The following SOX5 variants were observed in gnomAD, a reference collection of about 807,000 sequenced individuals.
The protein encoded by SOX5 is SRY-box transcription factor 5, also known as transcription factor SOX-5.
SOX5 carries 9 observed loss-of-function variants against 92.0 expected under a neutral mutation model. The observed-to-expected ratio is 0.10, with a 90% CI of 0.06 to 0.17. The LOEUF (loss-of-function observed/expected upper bound fraction) is 0.17. Ranked by LOEUF, SOX5 falls within the 10% of genes least tolerant of loss-of-function variation. The pLI is 1.00. For missense variants in SOX5, 642 were observed against 944.5 expected (o/e 0.68, Z 4.20); for synonymous variants, 344 against 336.3 (o/e 1.02, Z -0.25).
intron 4 of SOX5, among the ~76,000 whole-genome samples, chr12:24,057,368 G>GATTTAT (rs1487164646): frequency 2.9e-4 from 44 of 152,036 alleles, no homozygotes; most frequent in African/African-American, 1.0e-3. Flanking sequence ...CATTGTTTTG[G>GATTTAT]ATTTATATTT....
At chr12:24,377,364 A>G (rs1477751011) in intron 1 of SOX5, among the ~76,000 whole-genome samples, 1 of 152,208 alleles carries the variant, frequency 6.6e-6, no homozygotes, top group Admixed American at 6.5e-5. Context: ...ATCCAAAACA[A>G]TTCAATTAAA....
At chr12:23,589,051 T>C (rs1951151257) in intron 9 of SOX5, among the ~76,000 whole-genome samples, 1 of 152,006 alleles carries the variant, frequency 6.6e-6, no homozygotes, top group African/African-American at 2.4e-5. Flanking sequence ...TATGCAACAA[T>C]GAAATCACCA....
chr12:24,075,569 A>C (rs1942466318), intron 4 of SOX5, among the ~76,000 whole-genome samples: 1 of 152,198 alleles, frequency 6.6e-6, no homozygotes, highest in African/African-American at 2.4e-5. Context: ...AAGCTGCCCA[A>C]AAGTTTTTCT....
At chr12:24,285,920 T>C (rs1228349067) in intron 2 of SOX5, among the ~76,000 whole-genome samples, 3 of 152,288 alleles carry the variant, frequency 2.0e-5, no homozygotes, top group Admixed American at 2.0e-4. Flanking sequence ...CCCAAAACAC[T>C]TGAATAATTA....
At position 23,640,804 on chromosome 12, in the gene SOX5, T is replaced by C. The variant is rs2079955580; in HGVS notation, c.1017+8A>G. Reference sequence around the variant, plus strand: ...CCTTTGTCTCCTCTGTATTGTTTCCTGACTTACCTGCAGTTGGAGTGGGCC... The same window carrying C: ...CCTTTGTCTCCTCTGTATTGTTTCCCGACTTACCTGCAGTTGGAGTGGGCC... On this transcript the variant is annotated splice_region_variant and intron_variant, in intron 8 of 14. Coordinates refer to ENST00000451604, the MANE Select transcript of SOX5 (RefSeq NM_006940.6). 6.2e-7 allele frequency: 1 copy of C among 1,608,126 alleles called. No homozygotes were observed. Among genetic ancestry groups the C allele is most frequent in the Non-Finnish European group, 8.5e-7 (1 of 1,174,446 alleles).
intron 6 of SOX5, among the ~76,000 whole-genome samples, chr12:23,683,929 A>T (rs16926592): frequency 0.033 from 5,093 of 152,040 alleles, 189 homozygotes; most frequent in African/African-American, 0.088. Context: ...GAAGTTAACA[A>T]AGGAAGTTAG....
chr12:23,650,153 T>C (rs2081375066), intron 7 of SOX5, among the ~76,000 whole-genome samples: 2 of 152,118 alleles, frequency 1.3e-5, no homozygotes, highest in African/African-American at 4.8e-5. Flanking sequence ...GGATTCACCA[T>C]GTAAACTAAT....
intron 4 of SOX5, among the ~76,000 whole-genome samples, chr12:24,151,621 C>T (rs1453618633): frequency 6.6e-6 from 1 of 151,840 alleles, no homozygotes; most frequent in African/African-American, 2.4e-5. Context: ...ATAGCAGTGT[C>T]CGCAGGGAAT....
chr12:23,861,856 C>A (rs987027084), intron 2 of SOX5, among the ~76,000 whole-genome samples: 2 of 152,098 alleles, frequency 1.3e-5, no homozygotes, highest in African/African-American at 4.8e-5. Flanking sequence ...TACTTAGCAA[C>A]ATCAAACGGG....
chr12:23,733,810 T>C (rs1685809603), intron 6 of SOX5, among the ~76,000 whole-genome samples: 1 of 152,282 alleles, frequency 6.6e-6, no homozygotes, highest in African/African-American at 2.4e-5. Flanking sequence ...CTCTCCAGAT[T>C]AGCATACTGC....
intron 6 of SOX5, among the ~76,000 whole-genome samples, chr12:23,698,081 T>A (rs1221435718): frequency 1.3e-5 from 2 of 152,220 alleles, no homozygotes; most frequent in Non-Finnish European, 2.9e-5. Context: ...GTTAAACTTA[T>A]CACAGTCTAC....
intron 4 of SOX5, among the ~76,000 whole-genome samples, chr12:24,110,257 G>A (rs10771059): frequency 0.55 from 84,148 of 151,982 alleles, 24,668 homozygotes; most frequent in East Asian, 0.91. Context: ...ACCTACCCTC[G>A]CTCTAAAGAA....
chr12:24,051,122 T>C (rs547126086), intron 4 of SOX5, among the ~76,000 whole-genome samples: 151 of 152,158 alleles, frequency 9.9e-4, no homozygotes, highest in Middle Eastern at 3.2e-3. Context: ...AAGAGGCCAA[T>C]GAGCATAGAA....
chr12:24,354,049 G>A (rs367894886), intron 2 of SOX5, among the ~76,000 whole-genome samples: 1 of 152,010 alleles, frequency 6.6e-6, no homozygotes, highest in Middle Eastern at 3.2e-3. Flanking sequence ...CCCTTACCAA[G>A]TTTATAAGTC....
intron 1 of SOX5, among the ~76,000 whole-genome samples, chr12:24,489,619 G>A (rs756821971): frequency 5.5e-5 from 7 of 127,228 alleles, no homozygotes; most frequent in Non-Finnish European, 9.6e-5. Flanking sequence ...AAATAGCCAG[G>A]AACTTTAGGA....
intron 3 of SOX5, among the ~76,000 whole-genome samples, chr12:23,812,941 T>A (rs553977731): frequency 6.6e-6 from 1 of 152,338 alleles, no homozygotes; most frequent in East Asian, 1.9e-4. Context: ...CTAAAATTGC[T>A]AAATGATAGG....
chr12:23,649,324 T>C (rs1243221079), intron 7 of SOX5, among the ~76,000 whole-genome samples: 1 of 152,106 alleles, frequency 6.6e-6, no homozygotes, highest in Non-Finnish European at 1.5e-5. Context: ...TGTCATCTAT[T>C]TGCGCCATTC....
chr12:24,040,106 G>A (rs1592593390), intron 4 of SOX5, among the ~76,000 whole-genome samples: 2 of 152,196 alleles, frequency 1.3e-5, no homozygotes, highest in East Asian at 1.9e-4. Flanking sequence ...GTTCAATTAT[G>A]TTAACATTAT....
At chr12:23,883,714 A>G (rs1373151835) in intron 2 of SOX5, among the ~76,000 whole-genome samples, 3 of 151,582 alleles carry the variant, frequency 2.0e-5, no homozygotes, top group Non-Finnish European at 4.4e-5. Context: ...GCTTCATTAT[A>G]TATCTCATAA....
Sources: allele counts gnomAD v4.1 joint callset (sites outside exome capture counted in the v4.1 genomes callset), GRCh38; gene constraint gnomAD v4.1.1; transcripts MANE v1.5; gene names NCBI Gene and HGNC (gene_info 2026-07-23, HGNC 2026-07-21).